The following SLAIN2 variants were observed in gnomAD, a reference collection of about 807,000 sequenced individuals.
SLAIN2 encodes the protein SLAIN motif-containing protein 2.
Under a neutral mutation model 56.6 loss-of-function variants are expected in SLAIN2, and 31 were observed. That is an observed-to-expected ratio of 0.55 (90% CI 0.41 to 0.74). The LOEUF is 0.74. Among genes scored for constraint, SLAIN2 ranks in the 30% least tolerant of loss-of-function variants. SLAIN2 has a pLI of 0.00. For synonymous variants in SLAIN2, 317 were observed against 284.9 expected, an observed-to-expected ratio of 1.11 and a Z score of -1.13; for missense variants, 777 against 754.2, an observed-to-expected ratio of 1.03 and a Z score of -0.35.
chr4:48,351,048 C>T (rs1208209276), intron 1 of SLAIN2, among the ~76,000 whole-genome samples: 4 of 152,180 alleles, frequency 2.6e-5, no homozygotes, highest in African/African-American at 7.2e-5. Flanking sequence ...TAGACTGAAA[C>T]TCCTCCCCCA....
intron 6 of SLAIN2, among the ~76,000 whole-genome samples, chr4:48,391,862 AT>A (rs1432201529): frequency 6.6e-6 from 1 of 152,218 alleles, no homozygotes; most frequent in African/African-American, 2.4e-5. Context: ...CAGAAAAGAG[AT>A]TTTTAAAGGA....
At chr4:48,356,404 GA>G (rs1715157405) in intron 1 of SLAIN2, among the ~76,000 whole-genome samples, 1 of 152,004 alleles carries the variant, frequency 6.6e-6, no homozygotes, top group African/African-American at 2.4e-5. Context: ...ACTAGTAGCT[GA>G]AAAGATCTGT....
At chr4:48,380,633 G>GTACT (rs1715946257) in intron 4 of SLAIN2, among the ~76,000 whole-genome samples, 1 of 152,100 alleles carries the variant, frequency 6.6e-6, no homozygotes, top group African/African-American at 2.4e-5. Context: ...TCATCTGAAG[G>GTACT]TACTTATTCT....
chr4:48,383,024 T>C (rs1161434909), intron 5 of SLAIN2, 97 bp downstream of exon 5: 2 of 1,274,754 alleles, frequency 1.6e-6, no homozygotes, highest in Non-Finnish European at 2.1e-6. Context: ...CAAAATTAGC[T>C]GGGCATGGTG....
chr4:48,386,375 C>A (rs1377743787), intron 6 of SLAIN2, among the ~76,000 whole-genome samples: 2 of 152,154 alleles, frequency 1.3e-5, no homozygotes, highest in South Asian at 2.1e-4. Flanking sequence ...AGAATTTAAA[C>A]CCATGTTGAT....
chr4:48,395,810 C>CTTTTTTTTTTTTTTTTTTTTTT (rs10649464), intron 6 of SLAIN2, among the ~76,000 whole-genome samples: 1 of 72,792 alleles, frequency 1.4e-5, no homozygotes, highest in African/African-American at 6.8e-5. Context: ...GAACCTTAGG[C>CTTTTTTTTTTTTTTTTTTTTTT]TTTTTTTTTT....
intron 2 of SLAIN2, among the ~76,000 whole-genome samples, chr4:48,370,616 T>C (rs1254081894): frequency 6.6e-6 from 1 of 152,268 alleles, no homozygotes; most frequent in Non-Finnish European, 1.5e-5. Context: ...TTATGCTCTT[T>C]TGTTTAATAG....
At chr4:48,406,255 T>G (rs1383709358) in intron 6 of SLAIN2, among the ~76,000 whole-genome samples, 3 of 152,196 alleles carry the variant, frequency 2.0e-5, no homozygotes, top group Non-Finnish European at 2.9e-5. Context: ...TGTTTCCAGG[T>G]CTTTTTAGTT....
intron 1 of SLAIN2, among the ~76,000 whole-genome samples, chr4:48,362,407 C>T (rs1335750723): frequency 6.6e-6 from 1 of 150,502 alleles, no homozygotes; most frequent in Non-Finnish European, 1.5e-5. Context: ...CTGTCTCTGT[C>T]TCCCTTTCTC....
At chr4:48,396,034 A>C (rs1294544694) in intron 6 of SLAIN2, among the ~76,000 whole-genome samples, 28 of 152,306 alleles carry the variant, frequency 1.8e-4, no homozygotes, top group Admixed American at 1.6e-3. Flanking sequence ...GTAGGTTTAC[A>C]TAACTTAAAA....
intron 6 of SLAIN2, chr4:48,394,795 T>TCTG (rs1203857147): frequency 3.0e-6 from 2 of 665,458 alleles, no homozygotes; most frequent in Admixed American, 3.2e-5. Context: ...GAGGATTTAT[T>TCTG]CTGTTATTTG....
At chr4:48,348,920 T>TA (rs1308897316) in intron 1 of SLAIN2, among the ~76,000 whole-genome samples, 1 of 152,236 alleles carries the variant, frequency 6.6e-6, no homozygotes, top group Non-Finnish European at 1.5e-5. Flanking sequence ...AGCAGGGTAT[T>TA]TAAAAGTCCT....
chr4:48,368,091 G>T (rs1358251635), intron 1 of SLAIN2, among the ~76,000 whole-genome samples: 1 of 109,582 alleles, frequency 9.1e-6, no homozygotes, highest in Non-Finnish European at 1.7e-5. Context: ...TGCCCAGGCT[G>T]GACTGCAGTG....
chr4:48,381,218 T>C (rs1715963122), intron 4 of SLAIN2, among the ~76,000 whole-genome samples: 1 of 152,202 alleles, frequency 6.6e-6, no homozygotes, highest in Non-Finnish European at 1.5e-5. Context: ...TGGTTTTGTA[T>C]TGTGTTTTGG....
chr4:48,395,319 AG>A (rs1459853466), intron 6 of SLAIN2, among the ~76,000 whole-genome samples: 2 of 152,192 alleles, frequency 1.3e-5, no homozygotes, highest in Admixed American at 1.3e-4. Context: ...AAAGAGGAAA[AG>A]TATTTTTCCT....
At chr4:48,356,362 C>T (rs1374953175) in intron 1 of SLAIN2, among the ~76,000 whole-genome samples, 1 of 151,858 alleles carries the variant, frequency 6.6e-6, no homozygotes, top group Non-Finnish European at 1.5e-5. Context: ...TAATTGCTAT[C>T]TATATATGCA....
At position 48,342,003 on chromosome 4, in the gene SLAIN2, C is replaced by G; in HGVS notation, c.264C>G (p.Ser88Arg). 1 of 1,422,720 alleles carries G rather than the reference C, an allele frequency of 7.0e-7. No homozygotes were observed. The highest frequency in any genetic ancestry group is 9.1e-7 in the Non-Finnish European group (1 of 1,093,072). The allele number at this position is 1,422,720 out of a possible 1,614,324, so 88.1% of individuals were successfully genotyped here. A position where few individuals can be genotyped will look rare whatever the true frequency, so the allele number is the denominator to read the frequency against. The change falls in exon 1 of 8, where the codon AGC becomes AGG. Residue 88 changes from serine to arginine, a missense_variant. By Grantham distance (110) the Ser-to-Arg change is moderately radical. Coordinates refer to ENST00000264313, the MANE Select transcript of SLAIN2 (RefSeq NM_020846.2). The stretch of plus-strand genomic sequence containing the variant: ...GGTCGGGCCCGAGGCGGACGAGTAG[C>G]GAAGAGCTGCGGGACGCCACCTCCT... ...GPGSGPRRTS[S>R]EELRDATSLL... is the part of the protein sequence containing the mutation.
chr4:48,423,950 A>G lies in SLAIN2; in HGVS notation c.*1873A>G, dbSNP rs893924298. The G allele has an allele frequency of 5.3e-5, 8 of 152,176 alleles. No individual in the cohort carries two copies. The highest frequency in any genetic ancestry group is 1.9e-4 in the African/African-American group (8 of 41,456). 9.4% of individuals were successfully genotyped at this position (152,176 alleles called of 1,614,324 possible). On this transcript the variant is annotated 3_prime_UTR_variant, in exon 8 of 8. Transcript: ENST00000264313. ...GTAGCTACTGTCTCTTTTAAAAACC[A>G]CGTACAAAACAGAACAAGTCTCAGT... is the stretch of plus-strand genomic sequence containing the variant.
In SLAIN2 at chr4:48,420,100, T is replaced by C. The variant is rs755872677; in HGVS notation, c.1361-25T>C. 1.1e-5 allele frequency: 17 copies of C among 1,609,248 alleles called. No homozygotes were observed. In the South Asian group the frequency reaches 1.8e-4, roughly 17 times the overall value. On this transcript the variant is annotated intron_variant, in intron 6 of 7. Coordinates refer to ENST00000264313, the MANE Select transcript of SLAIN2 (RefSeq NM_020846.2). ...ATATATACAGATTTCCACTCAAAAA[T>C]TGGTTTTTCTTTGCCATCCCACAGT... is the stretch of plus-strand genomic sequence containing the variant.
Sources: gnomAD v4.1 joint callset for allele counts (sites outside exome capture counted in the v4.1 genomes callset) on GRCh38, gnomAD v4.1.1 for gene constraint, MANE v1.5 for transcripts, NCBI Gene and HGNC (gene_info 2026-07-23, HGNC 2026-07-21) for gene names.